The following AVL9 variants were observed in gnomAD, a reference collection of about 807,000 sequenced individuals.
The protein encoded by AVL9 is AVL9 cell migration associated.
In AVL9, 49 loss-of-function variants were observed where a neutral mutation model predicts 79.2. The ratio of observed to expected loss-of-function variants is 0.62; its 90% CI spans 0.49 to 0.79. AVL9 has a LOEUF of 0.79. Among genes scored for constraint, AVL9 ranks in the 30% least tolerant of loss-of-function variants. The probability of loss-of-function intolerance (pLI) is 0.00; values close to 1 mark genes in which losing one functional copy is unlikely to be tolerated. For synonymous variants in AVL9, 299 were observed against 280.6 expected, an observed-to-expected ratio of 1.07 and a Z score of -0.65; for missense variants, 682 against 776.8, an observed-to-expected ratio of 0.88 and a Z score of 1.45.
chr7:32,553,653 A>T, intron 6 of AVL9, 74 bp from the exon 7 acceptor site: 2 of 1,029,518 alleles, frequency 1.9e-6, no homozygotes, highest in Non-Finnish European at 2.9e-6. Flanking sequence ...TCTTTCTGTT[A>T]AGGGGGAAAT....
At chr7:32,512,089 G>T (rs1366442794) in intron 1 of AVL9, among the ~76,000 whole-genome samples, 1 of 152,140 alleles carries the variant, frequency 6.6e-6, no homozygotes, top group Non-Finnish European at 1.5e-5. Flanking sequence ...TAGTGAGGAG[G>T]CCCCATCAAT....
chr7:32,520,234 T>G (rs1444305345), intron 1 of AVL9, among the ~76,000 whole-genome samples: 2 of 152,228 alleles, frequency 1.3e-5, no homozygotes, highest in Non-Finnish European at 2.9e-5. Flanking sequence ...TTAAACCAAG[T>G]AACTATTAAA....
At chr7:32,511,499 G>A (rs1787671693) in intron 1 of AVL9, among the ~76,000 whole-genome samples, 1 of 152,090 alleles carries the variant, frequency 6.6e-6, no homozygotes, top group African/African-American at 2.4e-5. Context: ...AGATGCAGGG[G>A]TGTACTAGGT....
At chr7:32,571,229 CAAAAA>C (rs35287763) in intron 11 of AVL9, among the ~76,000 whole-genome samples, 1 of 65,100 alleles carries the variant, frequency 1.5e-5, no homozygotes, top group Non-Finnish European at 2.9e-5. Context: ...GACCCTGTCT[CAAAAA>C]AAAAAAAAAA....
intron 3 of AVL9, among the ~76,000 whole-genome samples, chr7:32,546,587 C>T (rs1181183770): frequency 6.6e-6 from 1 of 152,160 alleles, no homozygotes. Flanking sequence ...CTTTGGGAGG[C>T]CAAGGCGGGC....
intron 11 of AVL9, among the ~76,000 whole-genome samples, chr7:32,571,443 G>A (rs1489385505): frequency 2.0e-5 from 3 of 151,484 alleles, no homozygotes; most frequent in Admixed American, 1.3e-4. Flanking sequence ...CAGGAGAATC[G>A]CTTGAACCCG....
chr7:32,555,609 C>T (rs1693568408), intron 8 of AVL9, among the ~76,000 whole-genome samples: 1 of 152,200 alleles, frequency 6.6e-6, no homozygotes. Flanking sequence ...TGCTTTCACA[C>T]TGTAGTGGCA....
chr7:32,542,642 G>A (rs1223407662), intron 1 of AVL9, among the ~76,000 whole-genome samples: 1 of 152,148 alleles, frequency 6.6e-6, no homozygotes, highest in Non-Finnish European at 1.5e-5. Flanking sequence ...CCCTTTTACC[G>A]TTGGCTTTCC....
chr7:32,541,458 T>A (rs1461054742), intron 1 of AVL9, among the ~76,000 whole-genome samples: 1 of 152,122 alleles, frequency 6.6e-6, no homozygotes, highest in South Asian at 2.1e-4. Flanking sequence ...ATATAAAATA[T>A]AATTATTTAT....
chr7:32,569,822 C>G (rs1790746020), intron 10 of AVL9, among the ~76,000 whole-genome samples, 198 bp from the exon 11 acceptor site: 1 of 152,048 alleles, frequency 6.6e-6, no homozygotes, highest in African/African-American at 2.4e-5. Flanking sequence ...AGACAATTAG[C>G]TAATCATTAA....
At chr7:32,520,763 T>C (rs1167720818) in intron 1 of AVL9, among the ~76,000 whole-genome samples, 1 of 152,160 alleles carries the variant, frequency 6.6e-6, no homozygotes, top group Non-Finnish European at 1.5e-5. Flanking sequence ...TGAGAAGCTT[T>C]ATCAAATTTG....
Position 32,586,472 on chromosome 7 carries a change from C to CCCCCACACA in AVL9, c.*2566_*2567insCCCACACAC, listed in dbSNP as rs34422070. 6 of 142,958 alleles carry CCCCCACACA rather than the reference C, an allele frequency of 4.2e-5. No homozygotes were observed. Among genetic ancestry groups the CCCCCACACA allele is most frequent in the African/African-American group, 1.3e-4 (5 of 38,728 alleles). 8.9% of individuals were successfully genotyped at this position (142,958 alleles called of 1,614,324 possible). ...CCCCTGGTCCTGTGACCCCCCCCCC[C>CCCCCACACA]CACACACACACATACTTCAGGCTTG... On this transcript the variant is annotated 3_prime_UTR_variant, in exon 16 of 16. Transcript: ENST00000318709.
At chr7:32,530,040 C>G (rs781187054) in intron 1 of AVL9, among the ~76,000 whole-genome samples, 3 of 152,136 alleles carry the variant, frequency 2.0e-5, no homozygotes, top group Non-Finnish European at 4.4e-5. Context: ...CATATGGGTT[C>G]CCAGCTTTTG....
Position 32,573,374 on chromosome 7 carries a change from T to C in AVL9, c.1526T>C (p.Phe509Ser), listed in dbSNP as rs1051821360. Residue 509 changes from phenylalanine to serine, a missense_variant, in exon 12 of 16, where the codon TTT (phenylalanine) becomes TCT (serine). Coordinates refer to ENST00000318709, the MANE Select transcript of AVL9 (RefSeq NM_015060.3). ...GGTGACGAATGGATCCGGGCCCAGT[T>C]TGCGGTCTACATTCATGCCCTGCTG... ...EGGDEWIRAQFAVYIHALLAA... is the reference protein window; with the variant it reads ...EGGDEWIRAQSAVYIHALLAA... The C allele has an allele frequency of 9.9e-6, 16 of 1,613,716 alleles. No individual in the cohort carries two copies. The highest frequency in any genetic ancestry group is 1.3e-5 in the African/African-American group (1 of 74,826).
At chr7:32,556,340 C>A (rs1023044225) in intron 8 of AVL9, among the ~76,000 whole-genome samples, 12 of 151,920 alleles carry the variant, frequency 7.9e-5, no homozygotes, top group African/African-American at 2.9e-4. Flanking sequence ...ATGGTGAAAC[C>A]CCATCTCTAC....
At chr7:32,542,829 A>G (rs947018300) in intron 1 of AVL9, among the ~76,000 whole-genome samples, 6 of 152,130 alleles carry the variant, frequency 3.9e-5, no homozygotes, top group Admixed American at 2.0e-4. Context: ...TGTGGCTTCA[A>G]TTACCATCTG....
intron 1 of AVL9, among the ~76,000 whole-genome samples, chr7:32,511,221 G>C (rs1013961107): frequency 1.4e-5 from 2 of 145,420 alleles, no homozygotes; most frequent in South Asian, 4.3e-4. Context: ...TGAGATTCAT[G>C]AGCCATCAAG....
chr7:32,504,362 A>C (rs544189002), intron 1 of AVL9, among the ~76,000 whole-genome samples: 55 of 152,332 alleles, frequency 3.6e-4, no homozygotes, highest in African/African-American at 1.3e-3. Flanking sequence ...CATCTCATTC[A>C]GAAAACCAGT....
chr7:32,582,151 G>C (rs1231894670), intron 15 of AVL9, among the ~76,000 whole-genome samples: 2 of 152,032 alleles, frequency 1.3e-5, no homozygotes, highest in Admixed American at 6.6e-5. Flanking sequence ...CCTGAACATT[G>C]CAACAGTGCA....
Sources: gnomAD v4.1 joint callset for allele counts (sites outside exome capture counted in the v4.1 genomes callset) on GRCh38, gnomAD v4.1.1 for gene constraint, MANE v1.5 for transcripts, NCBI Gene and HGNC (gene_info 2026-07-23, HGNC 2026-07-21) for gene names.